The following AASS variants were observed in gnomAD, a reference collection of about 807,000 sequenced individuals.
The protein encoded by AASS is aminoadipate-semialdehyde synthase.
A neutral mutation model predicts 105.4 loss-of-function variants in AASS; 86 were observed. The ratio of observed to expected loss-of-function variants is 0.82; its 90% CI spans 0.69 to 0.98. The LOEUF (loss-of-function observed/expected upper bound fraction) is 0.98. AASS is among the 50% of genes least tolerant of loss of function. The pLI is 0.00. For missense variants in AASS, 1,048 were observed against 1,143.2 expected, an observed-to-expected ratio of 0.92 and a Z score of 1.20; for synonymous variants, 381 against 394.8, an observed-to-expected ratio of 0.96 and a Z score of 0.41.
At chr7:122,124,671 A>G (rs1207546209) in intron 4 of AASS, among the ~76,000 whole-genome samples, 1 of 152,122 alleles carries the variant, frequency 6.6e-6, no homozygotes, top group Non-Finnish European at 1.5e-5. Context: ...ACCACATCCT[A>G]TTCATGGATG....
Position 122,133,641 on chromosome 7 carries a change from CG to C in AASS, c.85del (p.Arg29GlyfsTer5). 2 of 1,614,178 alleles carry C rather than the reference CG, an allele frequency of 1.2e-6. No individual in the cohort carries two copies. Among genetic ancestry groups the C allele is most frequent in the Non-Finnish European group, 1.7e-6 (2 of 1,180,032 alleles). ...CTCCCAGGCGTTCACATCCTCCCTC[CG>C]GACGGCCAACACAGCTTTGTGGTGA... ...GLHHKAVLAV[R>X]REDVNAWERR... On this transcript the variant is annotated frameshift_variant, in exon 2 of 24. Transcript: ENST00000417368. LOFTEE classifies it high-confidence loss of function.
chr7:122,095,869 A>G (rs1190891217), intron 15 of AASS, among the ~76,000 whole-genome samples: 3 of 152,146 alleles, frequency 2.0e-5, no homozygotes, highest in African/African-American at 7.2e-5. Flanking sequence ...GGTTAAACAG[A>G]AATTTTTAAA....
At chr7:122,100,866 T>C (rs1794392044) in intron 13 of AASS, among the ~76,000 whole-genome samples, 1 of 151,862 alleles carries the variant, frequency 6.6e-6, no homozygotes, top group African/African-American at 2.4e-5. Context: ...CTAATAAGAA[T>C]CCCTGGAGAA....
intron 15 of AASS, among the ~76,000 whole-genome samples, chr7:122,095,398 AT>A (rs1423093122): frequency 1.3e-5 from 2 of 152,234 alleles, no homozygotes; most frequent in East Asian, 3.9e-4. Context: ...TCCATATTCT[AT>A]TCTAGGAATA....
At position 122,076,594 on chromosome 7, in the gene AASS, G is replaced by A; in HGVS notation, c.2676C>T (p.Ala892=). The A allele has an allele frequency of 6.2e-7, 1 of 1,611,102 alleles. No homozygotes were observed. Among genetic ancestry groups the A allele is most frequent in the Non-Finnish European group, 8.5e-7 (1 of 1,177,364 alleles). Residue 892 remains alanine (A), a synonymous_variant, in exon 24 of 24, where the codon GCC becomes GCT. Coordinates refer to ENST00000417368, the MANE Select transcript of AASS (RefSeq NM_005763.4). ...TTGAAAAGGGCCCCATTAGGCCTTT[G>A]GCTCCAATTTCACCTGGAAGAAAAT... ...AKMLLDGEIG[A]KGLMGPFSKE...
chr7:122,096,384 A>G (rs1204182685), intron 15 of AASS, among the ~76,000 whole-genome samples: 2 of 152,028 alleles, frequency 1.3e-5, no homozygotes. Flanking sequence ...TGTAATCCTG[A>G]CACTTTGAGA....
intron 11 of AASS, among the ~76,000 whole-genome samples, chr7:122,111,163 C>T (rs1272526418): frequency 6.6e-6 from 1 of 152,058 alleles, no homozygotes; most frequent in Non-Finnish European, 1.5e-5. Flanking sequence ...ATGAGATGAA[C>T]ATTGTAAAGT....
intron 11 of AASS, among the ~76,000 whole-genome samples, chr7:122,106,852 G>C (rs1025538515): frequency 1.3e-5 from 2 of 152,058 alleles, no homozygotes; most frequent in South Asian, 4.1e-4. Flanking sequence ...ATGGGAACTA[G>C]CAAAGATTTC....
At chr7:122,131,033 C>CAAA (rs200717404) in intron 2 of AASS, among the ~76,000 whole-genome samples, 1 of 88,520 alleles carries the variant, frequency 1.1e-5, no homozygotes. Context: ...TTTATTTTTG[C>CAAA]AAAAAAAAAA....
At position 122,086,020 on chromosome 7, in the gene AASS, T is replaced by C. The variant is rs1323978061; in HGVS notation, c.2176A>G (p.Arg726Gly). ...SAHTLLRGTL[R>G]YKGYMKALNG... ...AAAGTCCAGCTGCTTACCTTATATC[T>C]CAGTGTCCCCCGCAACAAAGTGTGA... is the stretch of plus-strand genomic sequence containing the variant. The change falls in exon 19 of 24, where the codon AGA (arginine) becomes GGA (glycine). Residue 726 changes from arginine (R) to glycine (G), a missense_variant. Arg to Gly is a moderately radical substitution (Grantham distance 125). Transcript: ENST00000417368. 1 of 1,613,454 alleles carries C rather than the reference T, an allele frequency of 6.2e-7. No individual in the cohort carries two copies. The highest frequency in any genetic ancestry group is 8.5e-7 in the Non-Finnish European group (1 of 1,179,614).
chr7:122,086,322 C>G (rs1461371024), intron 18 of AASS, 143 bp from the exon 19 acceptor site: 6 of 796,882 alleles, frequency 7.5e-6, no homozygotes, highest in Non-Finnish European at 1.0e-5. Context: ...TCATCCTATA[C>G]TTAAGCTGTT....
intron 4 of AASS, among the ~76,000 whole-genome samples, chr7:122,123,299 G>A (rs1275315053): frequency 6.6e-6 from 1 of 152,152 alleles, no homozygotes; most frequent in Non-Finnish European, 1.5e-5. Flanking sequence ...CAAGCTTTGT[G>A]TCACATTTCC....
At chr7:122,117,004 A>C (rs2150537471) in intron 6 of AASS, 47 bp from the exon 7 acceptor site, 1 of 1,520,402 alleles carries the variant, frequency 6.6e-7, no homozygotes, top group South Asian at 1.1e-5. Flanking sequence ...TAGAAAAAGA[A>C]CCAACATGGT....
intron 2 of AASS, among the ~76,000 whole-genome samples, 169 bp downstream of exon 2, chr7:122,133,348 A>C (rs1795994739): frequency 6.6e-6 from 1 of 152,144 alleles, no homozygotes; most frequent in African/African-American, 2.4e-5. Context: ...TCCTAAAAGT[A>C]AGTTCTTTTA....
intron 1 of AASS, among the ~76,000 whole-genome samples, chr7:122,143,481 C>T (rs1038854649): frequency 6.6e-6 from 1 of 151,038 alleles, no homozygotes; most frequent in Non-Finnish European, 1.5e-5. Context: ...GCGCCCCGTC[C>T]CGCGCGAGCG....
At chr7:122,088,672 C>T (rs555414311) in intron 18 of AASS, among the ~76,000 whole-genome samples, 35 of 152,174 alleles carry the variant, frequency 2.3e-4, no homozygotes, top group African/African-American at 8.4e-4. Context: ...GTGCTGCAGT[C>T]AAGGTGGTGG....
intron 23 of AASS, among the ~76,000 whole-genome samples, chr7:122,076,895 G>A (rs1389181865): frequency 6.6e-6 from 1 of 152,178 alleles, no homozygotes; most frequent in Non-Finnish European, 1.5e-5. Flanking sequence ...AGAGAACAAA[G>A]TAAAGTAAGA....
intron 15 of AASS, among the ~76,000 whole-genome samples, chr7:122,093,914 AG>A (rs1792301385): frequency 6.6e-6 from 1 of 152,186 alleles, no homozygotes; most frequent in Admixed American, 6.6e-5. Context: ...GCCATAAAAA[AG>A]AATGAAATAG....
intron 11 of AASS, 29 bp downstream of exon 11, chr7:122,113,089 G>A (rs193155155): frequency 1.9e-6 from 3 of 1,538,848 alleles, no homozygotes; most frequent in African/African-American, 2.7e-5. Context: ...AAGCCACAGA[G>A]TTGTTACTGA....
Sources: gnomAD v4.1 joint callset for allele counts (sites outside exome capture counted in the v4.1 genomes callset) on GRCh38, gnomAD v4.1.1 for gene constraint, MANE v1.5 for transcripts, NCBI Gene and HGNC (gene_info 2026-07-23, HGNC 2026-07-21) for gene names.